The following LARP1B variants were observed in gnomAD, a reference collection of about 807,000 sequenced individuals.
LARP1B encodes La ribonucleoprotein 1B.
Under a neutral mutation model 114.2 loss-of-function variants are expected in LARP1B, and 76 were observed. The observed-to-expected ratio is 0.67, with a 90% CI of 0.55 to 0.81. The LOEUF (loss-of-function observed/expected upper bound fraction) is 0.81, where lower values mean the gene tolerates loss of function less well. Ranked by LOEUF, LARP1B falls within the 30% of genes least tolerant of loss-of-function variation. The pLI, the probability that LARP1B is intolerant of heterozygous loss-of-function variation, is 0.00. For missense variants in LARP1B, 1,014 were observed against 1,075.8 expected (o/e 0.94, Z 0.80); for synonymous variants, 345 against 348.0 (o/e 0.99, Z 0.10).
At chr4:128,183,328 T>C (rs1355512456) in intron 15 of LARP1B, among the ~76,000 whole-genome samples, 1 of 152,218 alleles carries the variant, frequency 6.6e-6, no homozygotes, top group African/African-American at 2.4e-5. Context: ...TAGGGGCTAA[T>C]GCAGGTGGTG....
chr4:128,129,777 A>G (rs545807444), intron 11 of LARP1B, among the ~76,000 whole-genome samples: 1 of 152,180 alleles, frequency 6.6e-6, no homozygotes, highest in Non-Finnish European at 1.5e-5. Context: ...TACAATAGAG[A>G]AAAGTCTTTT....
At chr4:128,196,335 C>T (rs1304836757) in intron 15 of LARP1B, among the ~76,000 whole-genome samples, 2 of 147,878 alleles carry the variant, frequency 1.4e-5, no homozygotes, top group South Asian at 2.1e-4. Flanking sequence ...CTGCGCAACA[C>T]GGTGAGACCA....
chr4:128,111,043 ATT>A lies in LARP1B; in HGVS notation c.989-3509_989-3508del, dbSNP rs765576523. Among the ~76,000 whole-genome samples, 168 of 136,212 alleles carry A rather than the reference ATT, an allele frequency of 1.2e-3. 1 individual carries two copies. The highest frequency in any genetic ancestry group is 3.7e-3 in the African/African-American group (138 of 37,244). The allele number at this position is 136,212 out of a possible 152,430, so 89.4% of individuals were successfully genotyped here. A position where few individuals can be genotyped will look rare whatever the true frequency, so the allele number is the denominator to read the frequency against. On this transcript the variant is annotated intron_variant, in intron 9 of 19. Transcript: ENST00000326639. ...CTGGGTGACATACCAAAAACTCATA[ATT>A]TTTTTTTTTTTTTTTTTAAGAGATG...
chr4:128,095,909 T>G (rs1335703992), intron 7 of LARP1B, among the ~76,000 whole-genome samples: 1 of 152,110 alleles, frequency 6.6e-6, no homozygotes, highest in Non-Finnish European at 1.5e-5. Flanking sequence ...TTCTTTTGTA[T>G]CATTCTTCTC....
intron 9 of LARP1B, among the ~76,000 whole-genome samples, chr4:128,112,104 C>T (rs1784318699): frequency 6.6e-6 from 1 of 151,964 alleles, no homozygotes; most frequent in Non-Finnish European, 1.5e-5. Flanking sequence ...TCATCCAAAG[C>T]TTGTATTTCA....
chr4:128,135,151 TAAC>T (rs994328660), intron 11 of LARP1B, among the ~76,000 whole-genome samples: 16 of 146,782 alleles, frequency 1.1e-4, no homozygotes, highest in African/African-American at 3.5e-4. Context: ...ATAAAAAGGA[TAAC>T]AAACATTTGA....
intron 11 of LARP1B, among the ~76,000 whole-genome samples, chr4:128,126,030 G>A (rs950313798): frequency 6.6e-6 from 1 of 151,670 alleles, no homozygotes; most frequent in Non-Finnish European, 1.5e-5. Flanking sequence ...AGCACATAAA[G>A]TGAATAATCT....
At chr4:128,070,803 A>G (rs1249215907) in intron 1 of LARP1B, among the ~76,000 whole-genome samples, 3 of 152,240 alleles carry the variant, frequency 2.0e-5, no homozygotes, top group Non-Finnish European at 4.4e-5. Flanking sequence ...CTCAATTAAA[A>G]AAAAAAATAG....
At chr4:128,147,702 A>C (rs73848737) in intron 11 of LARP1B, among the ~76,000 whole-genome samples, 1,635 of 152,324 alleles carry the variant, frequency 0.011, 29 homozygotes, top group African/African-American at 0.036. Flanking sequence ...TATAAAGTCA[A>C]TAAATGGAAA....
intron 8 of LARP1B, among the ~76,000 whole-genome samples, chr4:128,099,483 C>G (rs1779503262): frequency 6.6e-6 from 1 of 151,920 alleles, no homozygotes; most frequent in Non-Finnish European, 1.5e-5. Context: ...GACAGGGTTT[C>G]CCAATGTTGG....
In LARP1B at chr4:128,162,408, G is replaced by C. The variant is rs148160565; in HGVS notation, c.1648+91G>C. ...AATTGCTCCTTTTTTTTCTTTATTT[G>C]TGGAAAATCATTAGGTAAATGGTAA... On this transcript the variant is annotated intron_variant, in intron 12 of 19. Transcript: ENST00000326639. 2.1e-5 allele frequency: 25 copies of C among 1,174,408 alleles called. No homozygotes were observed. The Middle Eastern group carries it at 1.0e-3, about 49-fold the overall frequency. The allele number at this position is 1,174,408 out of a possible 1,614,324, so 72.7% of individuals were successfully genotyped here.
intron 8 of LARP1B, among the ~76,000 whole-genome samples, chr4:128,105,045 CAT>C (rs888813967): frequency 1.3e-5 from 2 of 149,756 alleles, no homozygotes; most frequent in African/African-American, 2.4e-5. Flanking sequence ...AAAATTTAAA[CAT>C]ATGGGAAAGT....
At chr4:128,156,958 C>T (rs1414194475) in intron 11 of LARP1B, among the ~76,000 whole-genome samples, 1 of 150,470 alleles carries the variant, frequency 6.6e-6, no homozygotes, top group Admixed American at 6.6e-5. Flanking sequence ...GACTCATCTG[C>T]CAGTTCCATC....
rs183657767 is a variant in LARP1B at position 128,206,829 on chromosome 4, G to A, written c.2419+292G>A. 335 of 985,384 alleles carry A rather than the reference G, an allele frequency of 3.4e-4. 2 individuals are homozygous for A. In the African/African-American group the frequency reaches 5.4e-3, roughly 16 times the overall value. The allele number at this position is 985,384 out of a possible 1,614,324, so 61.0% of individuals were successfully genotyped here. ...ATGTTCCGTTACATGAAAATTCTATGCAACATCAGCAGGTAAGCTTGGAAA... is the reference window on the plus strand; with the variant it reads ...ATGTTCCGTTACATGAAAATTCTATACAACATCAGCAGGTAAGCTTGGAAA... On this transcript the variant is annotated intron_variant, in intron 18 of 19. Coordinates refer to ENST00000326639, the MANE Select transcript of LARP1B (RefSeq NM_018078.4).
intron 11 of LARP1B, among the ~76,000 whole-genome samples, chr4:128,130,284 G>T (rs1791150487): frequency 6.6e-6 from 1 of 151,946 alleles, no homozygotes; most frequent in East Asian, 1.9e-4. Context: ...AATATACAAA[G>T]AACTATTAAG....
chr4:128,172,055 A>G (rs1051307781), intron 12 of LARP1B, among the ~76,000 whole-genome samples: 1 of 151,976 alleles, frequency 6.6e-6, no homozygotes, highest in African/African-American at 2.4e-5. Flanking sequence ...GGAAGTTCTC[A>G]GCTATTATTT....
chr4:128,101,770 G>A (rs1237614173), intron 8 of LARP1B, among the ~76,000 whole-genome samples: 1 of 152,008 alleles, frequency 6.6e-6, no homozygotes, highest in African/African-American at 2.4e-5. Flanking sequence ...ATGAGCTACC[G>A]CCGCCGGCAT....
At chr4:128,097,975 A>G (rs181589814) in intron 7 of LARP1B, among the ~76,000 whole-genome samples, 277 of 152,278 alleles carry the variant, frequency 1.8e-3, no homozygotes, top group Non-Finnish European at 3.3e-3. Flanking sequence ...TTGGAAAATA[A>G]TATTTTAAGT....
chr4:128,064,503 T>G (rs1761669688), intron 1 of LARP1B, among the ~76,000 whole-genome samples: 1 of 152,224 alleles, frequency 6.6e-6, no homozygotes, highest in Admixed American at 6.5e-5. Flanking sequence ...AAAGAGCTGT[T>G]TGTTTACTCC....
Sources: gnomAD v4.1 joint callset for allele counts (sites outside exome capture counted in the v4.1 genomes callset) on GRCh38, gnomAD v4.1.1 for gene constraint, MANE v1.5 for transcripts, NCBI Gene and HGNC (gene_info 2026-07-23, HGNC 2026-07-21) for gene names.